PAWR: variants seen among roughly 807,000 people sequenced by gnomAD.
PAWR encodes the protein pro-apoptotic WT1 regulator.
Under a neutral mutation model 32.0 loss-of-function variants are expected in PAWR, and 23 were observed. That is an observed-to-expected ratio of 0.72 (90% CI 0.52 to 1.02). PAWR has a LOEUF of 1.02. Among genes scored for constraint, PAWR ranks in the 50% least tolerant of loss-of-function variants. The probability of loss-of-function intolerance (pLI) is 0.00; values close to 1 mark genes in which losing one functional copy is unlikely to be tolerated. For missense variants in PAWR, 457 were observed against 437.7 expected (o/e 1.04, Z -0.39); for synonymous variants, 226 against 187.1 (o/e 1.21, Z -1.70).
At chr12:79,639,291 T>C (rs1227657318) in intron 2 of PAWR, among the ~76,000 whole-genome samples, 1 of 152,150 alleles carries the variant, frequency 6.6e-6, no homozygotes, top group Non-Finnish European at 1.5e-5. Context: ...GTTAATAATA[T>C]CTAGTAATAC....
Position 79,591,252 on chromosome 12 carries a change from C to G in PAWR, c.*1355G>C, listed in dbSNP as rs1873545929. 6.6e-6 allele frequency: 1 copy of G among 152,116 alleles called. No homozygotes were observed. Among genetic ancestry groups the G allele is most frequent in the Admixed American group, 6.6e-5 (1 of 15,262 alleles). 9.4% of individuals were successfully genotyped at this position (152,116 alleles called of 1,614,324 possible). ...ATTCAACATTTGATTATCATTTACT[C>G]CACATTTTCCCCCAGCTGTCTCACC... On this transcript the variant is annotated 3_prime_UTR_variant, in exon 7 of 7. Transcript: ENST00000328827.
chr12:79,604,797 C>A (rs1565998967), intron 4 of PAWR: 1 of 624,986 alleles, frequency 1.6e-6, no homozygotes, highest in African/African-American at 2.0e-5. Context: ...ATATTAAACT[C>A]TCATAACTCT....
intron 2 of PAWR, among the ~76,000 whole-genome samples, chr12:79,677,427 CA>C (rs1330538043): frequency 2.0e-5 from 3 of 149,490 alleles, no homozygotes; most frequent in South Asian, 2.1e-4. Context: ...TATGAAACAA[CA>C]AAAAAAAGTA....
intron 3 of PAWR, 70 bp from the exon 4 acceptor site, chr12:79,613,679 T>C (rs1230464452): frequency 2.6e-6 from 2 of 760,552 alleles, no homozygotes; most frequent in East Asian, 5.4e-5. Flanking sequence ...TATAAAATAG[T>C]TGATAGAGAA....
Position 79,591,411 on chromosome 12 carries a change from C to T in PAWR, c.*1196G>A, listed in dbSNP as rs1873550977. On this transcript the variant is annotated 3_prime_UTR_variant, in exon 7 of 7. Coordinates refer to ENST00000328827, the MANE Select transcript of PAWR (RefSeq NM_002583.4). Reference sequence around the variant, plus strand: ...AACTAGATAAAAGGATACCATACTGCTATTTGAAATTCAATCACAAAGCAA... The same window carrying T: ...AACTAGATAAAAGGATACCATACTGTTATTTGAAATTCAATCACAAAGCAA... 1.3e-5 allele frequency: 2 copies of T among 152,042 alleles called. No homozygotes were observed. The highest frequency in any genetic ancestry group is 6.6e-5 in the Admixed American group (1 of 15,258). The allele number at this position is 152,042 out of a possible 1,614,324, so 9.4% of individuals were successfully genotyped here.
chr12:79,659,072 C>A (rs903602464), intron 2 of PAWR, among the ~76,000 whole-genome samples: 1 of 151,048 alleles, frequency 6.6e-6, no homozygotes, highest in African/African-American at 2.4e-5. Context: ...CCAAGGCAGG[C>A]GGATCACAAA....
In PAWR at chr12:79,621,778, T is replaced by C. The variant is rs1378108817; in HGVS notation, c.517-571A>G. Among the ~76,000 whole-genome samples the C allele has an allele frequency of 3.3e-5, 5 of 152,092 alleles. No homozygotes were observed. The East Asian group carries it at 9.6e-4, about 29-fold the overall frequency. On this transcript the variant is annotated intron_variant, in intron 2 of 6. Transcript: ENST00000328827. ...ATATATAAAAAAAGAGAATTACACA[T>C]GTAACAGCATATTGGAAAAGCTTAC...
intron 4 of PAWR, among the ~76,000 whole-genome samples, chr12:79,611,557 C>T (rs1405349226): frequency 6.6e-6 from 1 of 151,706 alleles, no homozygotes; most frequent in African/African-American, 2.4e-5. Context: ...TAACACATTT[C>T]TACTAGATAA....
Position 79,590,259 on chromosome 12 carries a change from G to A in PAWR, c.*2348C>T, listed in dbSNP as rs973926406. 3.0e-4 allele frequency: 45 copies of A among 150,706 alleles called. No individual in the cohort carries two copies. The highest frequency in any genetic ancestry group is 1.1e-3 in the African/African-American group (43 of 40,840). The allele number at this position is 150,706 out of a possible 1,614,324, so 9.3% of individuals were successfully genotyped here. A position where few individuals can be genotyped will look rare whatever the true frequency, so the allele number is the denominator to read the frequency against. On this transcript the variant is annotated 3_prime_UTR_variant, in exon 7 of 7. Coordinates refer to ENST00000328827, the MANE Select transcript of PAWR (RefSeq NM_002583.4). ...TTCTTGCCCAGGCTGGAGTACAATG[G>A]CGCAATCTCAGCTCACCGCAACCTC...
chr12:79,666,848 T>G (rs1877631053), intron 2 of PAWR, among the ~76,000 whole-genome samples: 1 of 152,224 alleles, frequency 6.6e-6, no homozygotes, highest in Admixed American at 6.5e-5. Context: ...AAAAACCCTT[T>G]AGGATACTCA....
At chr12:79,620,872 T>C (rs1245267899) in intron 3 of PAWR, among the ~76,000 whole-genome samples, 2 of 152,052 alleles carry the variant, frequency 1.3e-5, no homozygotes, top group East Asian at 1.9e-4. Context: ...TATCAAAGGA[T>C]GCACAAGCCG....
chr12:79,684,514 C>T (rs985067279), intron 2 of PAWR, among the ~76,000 whole-genome samples: 8 of 151,658 alleles, frequency 5.3e-5, no homozygotes, highest in Admixed American at 1.3e-4. Flanking sequence ...GGGAGACTGA[C>T]GCAGGAGAAT....
At chr12:79,630,525 AC>A (rs1212793908) in intron 2 of PAWR, among the ~76,000 whole-genome samples, 1 of 151,496 alleles carries the variant, frequency 6.6e-6, no homozygotes, top group Admixed American at 6.6e-5. Context: ...CTGGTCTTGA[AC>A]TCCTGGCCTC....
At position 79,639,836 on chromosome 12, in the gene PAWR, TCCTA is replaced by T. The variant is rs1197664702; in HGVS notation, c.517-18633_517-18630del. Among the ~76,000 whole-genome samples the T allele has an allele frequency of 4.2e-3, 290 of 69,336 alleles. 3 individuals carry two copies. The highest frequency in any genetic ancestry group is 0.033 in the Middle Eastern group (3 of 90). 45.5% of individuals were successfully genotyped at this position (69,336 alleles called of 152,430 possible). On this transcript the variant is annotated intron_variant, in intron 2 of 6. Coordinates refer to ENST00000328827, the MANE Select transcript of PAWR (RefSeq NM_002583.4). ...ATTCCTTTTCCTTTTCCTTTTCCAT[TCCTA>T]TTCCTATTCCTATTCCTATTCCTAT...
intron 4 of PAWR, among the ~76,000 whole-genome samples, chr12:79,606,983 T>A (rs1160145908): frequency 6.6e-6 from 1 of 152,116 alleles, no homozygotes; most frequent in Non-Finnish European, 1.5e-5. Flanking sequence ...AATTCACCAG[T>A]CCACAAAATG....
chr12:79,680,780 A>T (rs1030955366), intron 2 of PAWR, among the ~76,000 whole-genome samples: 1 of 152,096 alleles, frequency 6.6e-6, no homozygotes, highest in African/African-American at 2.4e-5. Context: ...CAATGGCACA[A>T]ACACTTTTCC....
intron 2 of PAWR, among the ~76,000 whole-genome samples, chr12:79,662,814 G>C (rs1172725263): frequency 6.6e-6 from 1 of 152,184 alleles, no homozygotes; most frequent in East Asian, 1.9e-4. Context: ...CTTGGCATGT[G>C]AAGATGGAGT....
At chr12:79,626,777 C>T (rs893767627) in intron 2 of PAWR, among the ~76,000 whole-genome samples, 6 of 151,822 alleles carry the variant, frequency 4.0e-5, no homozygotes, top group African/African-American at 1.5e-4. Flanking sequence ...GTGTTATGTT[C>T]CCTTTCCTGT....
At chr12:79,639,901 CATTCCATTCCATTCT>C (rs1876233744) in intron 2 of PAWR, among the ~76,000 whole-genome samples, 1 of 125,062 alleles carries the variant, frequency 8.0e-6, no homozygotes, top group Non-Finnish European at 1.5e-5. Flanking sequence ...CATTCCATTC[CATTCCATTCCATTCT>C]ATTCTAGAGA....
Sources: allele counts gnomAD v4.1 joint callset (sites outside exome capture counted in the v4.1 genomes callset), GRCh38; gene constraint gnomAD v4.1.1; transcripts MANE v1.5; gene names NCBI Gene and HGNC (gene_info 2026-07-23, HGNC 2026-07-21).